Variants in CAP2 observed in about 807,000 individuals in gnomAD.
The protein encoded by CAP2 is cyclase associated actin cytoskeleton regulatory protein 2, also known as adenylyl cyclase-associated protein 2.
CAP2 carries 24 observed loss-of-function variants against 57.7 expected under a neutral mutation model. The observed-to-expected ratio is 0.42, with a 90% CI of 0.30 to 0.58. The LOEUF is 0.58. Among genes scored for constraint, CAP2 ranks in the 20% least tolerant of loss-of-function variants. The pLI, the probability that CAP2 is intolerant of heterozygous loss-of-function variation, is 0.22. For synonymous variants in CAP2, 194 were observed against 207.2 expected, an observed-to-expected ratio of 0.94 and a Z score of 0.55; for missense variants, 501 against 590.3, an observed-to-expected ratio of 0.85 and a Z score of 1.57.
At chr6:17,503,404 C>T (rs925839055) in intron 4 of CAP2, among the ~76,000 whole-genome samples, 11 of 152,004 alleles carry the variant, frequency 7.2e-5, no homozygotes, top group Admixed American at 6.6e-4. Context: ...TTGAGACCAG[C>T]CTGGCCAACA....
intron 7 of CAP2, among the ~76,000 whole-genome samples, chr6:17,514,365 A>G (rs1239688513): frequency 6.6e-6 from 1 of 152,102 alleles, no homozygotes; most frequent in Non-Finnish European, 1.5e-5. Context: ...TCTGTCCAAA[A>G]AAAGCCCATG....
At chr6:17,540,376 C>T (rs550283467) in intron 8 of CAP2, among the ~76,000 whole-genome samples, 15 of 151,414 alleles carry the variant, frequency 9.9e-5, no homozygotes, top group Admixed American at 7.2e-4. Flanking sequence ...GATCCTTTTT[C>T]GTGAGGTGGT....
At chr6:17,441,091 A>G (rs1760061894) in intron 3 of CAP2, among the ~76,000 whole-genome samples, 1 of 151,558 alleles carries the variant, frequency 6.6e-6, no homozygotes, top group African/African-American at 2.4e-5. Context: ...CTTTTTCAGC[A>G]TCTATAGATG....
chr6:17,511,082 C>G (rs1193165534), intron 6 of CAP2, among the ~76,000 whole-genome samples: 1 of 152,184 alleles, frequency 6.6e-6, no homozygotes, highest in Non-Finnish European at 1.5e-5. Context: ...CCAAAGATGA[C>G]TCAGTTAAGC....
intron 3 of CAP2, among the ~76,000 whole-genome samples, chr6:17,450,053 A>G (rs995576054): frequency 6.7e-6 from 1 of 149,818 alleles, no homozygotes; most frequent in African/African-American, 2.4e-5. Flanking sequence ...TATCAGTTCT[A>G]CCTTTTTTTT....
intron 3 of CAP2, among the ~76,000 whole-genome samples, chr6:17,456,171 C>T (rs567131193): frequency 2.0e-5 from 3 of 152,280 alleles, no homozygotes; most frequent in East Asian, 1.9e-4. Context: ...CCAAATCTAC[C>T]GAATCAGAAA....
In CAP2 at chr6:17,436,119, T is replaced by C. The variant is rs373866982; in HGVS notation, c.222+9429T>C. ...CTTCCTTCCTTCCTTCCTTCCTTCC[T>C]TCCCTCCTTCCTTCCTTCCTTTCTT... On this transcript the variant is annotated intron_variant, in intron 3 of 12. Transcript: ENST00000229922. Among the ~76,000 whole-genome samples the C allele has an allele frequency of 7.2e-3, 1,047 of 144,876 alleles. 17 individuals carry two copies. The highest frequency in any genetic ancestry group is 0.025 in the African/African-American group (987 of 39,312).
chr6:17,531,204 A>G, intron 7 of CAP2: 1 of 768,696 alleles, frequency 1.3e-6, no homozygotes, highest in Non-Finnish European at 2.4e-6. Context: ...TGACTTCAGA[A>G]TTGGGTACCC....
chr6:17,555,763 C>T lies in CAP2; in HGVS notation c.1351-596C>T, dbSNP rs977367402. Among the ~76,000 whole-genome samples the T allele has an allele frequency of 4.0e-5, 6 of 151,692 alleles. 1 individual carries two copies. Among genetic ancestry groups the T allele is most frequent in the Admixed American group, 2.6e-4 (4 of 15,198 alleles). ...TATTTTTTTAGTAGAGATAGGGTTT[C>T]ACCATGTTGGCCAGGCTGGTCTCGA... On this transcript the variant is annotated intron_variant, in intron 12 of 12. Transcript: ENST00000229922.
intron 3 of CAP2, among the ~76,000 whole-genome samples, chr6:17,454,366 T>G (rs1052345078): frequency 6.6e-6 from 1 of 152,242 alleles, no homozygotes; most frequent in East Asian, 1.9e-4. Context: ...CATCCAAGCC[T>G]TTTATAAGAA....
intron 4 of CAP2, among the ~76,000 whole-genome samples, chr6:17,486,655 G>A (rs1243909059): frequency 6.6e-6 from 1 of 152,028 alleles, no homozygotes; most frequent in East Asian, 1.9e-4. Flanking sequence ...GCATGGCCAG[G>A]ATATCATAAG....
chr6:17,533,078 CAAAAAA>C (rs58337644), intron 7 of CAP2, among the ~76,000 whole-genome samples: 6 of 87,552 alleles, frequency 6.9e-5, no homozygotes, highest in Admixed American at 2.8e-4. Context: ...CACCCCCCAC[CAAAAAA>C]AAAAAAAAAA....
intron 7 of CAP2, among the ~76,000 whole-genome samples, chr6:17,525,166 G>A (rs549760645): frequency 6.6e-6 from 1 of 151,884 alleles, no homozygotes; most frequent in African/African-American, 2.4e-5. Context: ...GCCTCCCAAA[G>A]TGCTGGGATT....
chr6:17,508,051 T>A (rs1762037841), intron 6 of CAP2, among the ~76,000 whole-genome samples: 1 of 152,196 alleles, frequency 6.6e-6, no homozygotes, highest in Non-Finnish European at 1.5e-5. Context: ...GTACAGAACC[T>A]TTACATGCAT....
intron 4 of CAP2, among the ~76,000 whole-genome samples, chr6:17,484,280 G>T (rs1546902): frequency 3.9e-5 from 6 of 151,934 alleles, no homozygotes; most frequent in Non-Finnish European, 8.8e-5. Context: ...GCAGTTGCAC[G>T]AGTCTGCGTC....
intron 12 of CAP2, among the ~76,000 whole-genome samples, chr6:17,554,195 C>G (rs1335321630): frequency 6.6e-6 from 1 of 152,136 alleles, no homozygotes; most frequent in Non-Finnish European, 1.5e-5. Flanking sequence ...CAACCTCGAC[C>G]CCCCGGGCTC....
chr6:17,424,316 C>T (rs968828677), intron 2 of CAP2, among the ~76,000 whole-genome samples: 14 of 152,246 alleles, frequency 9.2e-5, no homozygotes, highest in African/African-American at 3.4e-4. Flanking sequence ...AGGAAAATGG[C>T]GTGAACCCGG....
chr6:17,466,395 T>A (rs1760865835), intron 4 of CAP2, among the ~76,000 whole-genome samples: 2 of 152,204 alleles, frequency 1.3e-5, no homozygotes, highest in Admixed American at 1.3e-4. Flanking sequence ...CCCAAGACTC[T>A]GCGGTTCTAA....
At chr6:17,396,842 G>T (rs1201417149) in intron 1 of CAP2, among the ~76,000 whole-genome samples, 1 of 152,112 alleles carries the variant, frequency 6.6e-6, no homozygotes. Flanking sequence ...AATTGTTAAA[G>T]AAAATAAACA....
Sources: allele counts gnomAD v4.1 joint callset (sites outside exome capture counted in the v4.1 genomes callset), GRCh38; gene constraint gnomAD v4.1.1; transcripts MANE v1.5; gene names NCBI Gene and HGNC (gene_info 2026-07-23, HGNC 2026-07-21).